PTPRT: variants seen among roughly 807,000 people sequenced by gnomAD.
PTPRT encodes receptor-type tyrosine-protein phosphatase T.
Under a neutral mutation model 176.8 loss-of-function variants are expected in PTPRT, and 56 were observed. That is an observed-to-expected ratio of 0.32 (90% CI 0.26 to 0.40). The LOEUF (loss-of-function observed/expected upper bound fraction) is 0.40, where lower values mean the gene tolerates loss of function less well. PTPRT is among the 10% of genes least tolerant of loss of function. The probability of loss-of-function intolerance (pLI) is 1.00; values close to 1 mark genes in which losing one functional copy is unlikely to be tolerated. For missense variants in PTPRT, 1,540 were observed against 1,908.2 expected (o/e 0.81, Z 3.60); for synonymous variants, 783 against 739.0 (o/e 1.06, Z -0.96).
chr20:42,971,162 T>C (rs1037552816), intron 1 of PTPRT: 1 of 152,222 alleles, frequency 6.6e-6, no homozygotes, highest in Non-Finnish European at 1.5e-5. Context: ...GATTTTAACC[T>C]TCAAAATTAT....
intron 1 of PTPRT, among the ~76,000 whole-genome samples, chr20:43,002,808 G>A (rs540474348): frequency 5.3e-5 from 8 of 151,922 alleles, no homozygotes; most frequent in African/African-American, 1.9e-4. Context: ...ATCAGCTCAA[G>A]ACCCTAGAAA....
At chr20:42,589,000 T>C (rs76184204) in intron 7 of PTPRT, among the ~76,000 whole-genome samples, 2,671 of 152,262 alleles carry the variant, frequency 0.018, 72 homozygotes, top group African/African-American at 0.051. Context: ...AACACCTGGA[T>C]CCAGAACCTA....
intron 1 of PTPRT, among the ~76,000 whole-genome samples, chr20:42,955,110 C>G (rs1247672650): frequency 6.6e-6 from 1 of 152,140 alleles, no homozygotes; most frequent in Non-Finnish European, 1.5e-5. Flanking sequence ...GCACAACACA[C>G]GTTGCCATAG....
intron 7 of PTPRT, among the ~76,000 whole-genome samples, chr20:42,664,942 A>T (rs1217084312): frequency 4.6e-5 from 7 of 152,260 alleles, no homozygotes. Context: ...TTACACAAAA[A>T]TTAATTCAAG....
intron 15 of PTPRT, among the ~76,000 whole-genome samples, chr20:42,229,889 T>C (rs1165015148): frequency 6.6e-6 from 1 of 152,210 alleles, no homozygotes; most frequent in Non-Finnish European, 1.5e-5. Flanking sequence ...AGTACCACCC[T>C]GTTGACTTTA....
intron 1 of PTPRT, among the ~76,000 whole-genome samples, chr20:42,886,651 G>A (rs1003756361): frequency 1.3e-5 from 2 of 152,170 alleles, no homozygotes; most frequent in Admixed American, 6.5e-5. Context: ...TAACTTTAAA[G>A]GTCAAGCCAT....
chr20:43,117,399 G>C lies in PTPRT; in HGVS notation c.88+72247C>G, dbSNP rs78489135. Among the ~76,000 whole-genome samples the C allele has an allele frequency of 3.5e-3, 536 of 152,206 alleles. 25 individuals carry two copies. The East Asian group carries it at 0.076, about 22-fold the overall frequency. ...ATCCCATTCCATAATCTGTTATCAG[G>C]AGTCAACTTCTAAAGCCTTCCTCCA... is the stretch of plus-strand genomic sequence containing the variant. On this transcript the variant is annotated intron_variant, in intron 1 of 30. Coordinates refer to ENST00000373187, the MANE Select transcript of PTPRT (RefSeq NM_007050.6).
chr20:42,107,652 A>T (rs772084720), intron 23 of PTPRT, among the ~76,000 whole-genome samples: 2 of 152,222 alleles, frequency 1.3e-5, no homozygotes, highest in Non-Finnish European at 2.9e-5. Flanking sequence ...CACGTAAGAC[A>T]TGTGCCTTAC....
intron 15 of PTPRT, among the ~76,000 whole-genome samples, chr20:42,219,350 T>A (rs576481767): frequency 7.9e-5 from 12 of 152,308 alleles, no homozygotes; most frequent in South Asian, 4.1e-4. Context: ...TGGAAACTAG[T>A]TCTGCTTATA....
intron 2 of PTPRT, among the ~76,000 whole-genome samples, chr20:42,797,911 C>A (rs527668952): frequency 6.6e-6 from 1 of 152,142 alleles, no homozygotes; most frequent in African/African-American, 2.4e-5. Context: ...ACAAACTCTA[C>A]CCTAGAGCCT....
At position 42,419,174 on chromosome 20, in the gene PTPRT, C is replaced by G. The variant is rs527959314; in HGVS notation, c.1560+29046G>C. On this transcript the variant is annotated intron_variant, in intron 9 of 30. Transcript: ENST00000373187. ...TGTGTGTCCCTCTGATGCATGAGGCCCCTGACTTTCAGTGTCAGTGTTCCA... is the reference window on the plus strand; with the variant it reads ...TGTGTGTCCCTCTGATGCATGAGGCGCCTGACTTTCAGTGTCAGTGTTCCA... Among the ~76,000 whole-genome samples the G allele has an allele frequency of 1.4e-3, 216 of 152,306 alleles. 1 individual carries two copies. Among genetic ancestry groups the G allele is most frequent in the African/African-American group, 4.9e-3 (202 of 41,562 alleles).
At chr20:42,741,153 C>A (rs533344190) in intron 6 of PTPRT, among the ~76,000 whole-genome samples, 4 of 152,230 alleles carry the variant, frequency 2.6e-5, no homozygotes, top group South Asian at 4.2e-4. Context: ...ATAGAAGAAA[C>A]CCCTAGGAAT....
intron 1 of PTPRT, among the ~76,000 whole-genome samples, chr20:42,977,221 A>G (rs1021016633): frequency 5.3e-5 from 8 of 152,216 alleles, no homozygotes; most frequent in African/African-American, 1.7e-4. Context: ...TTGGTACCAC[A>G]TTCTTTCCTA....
At chr20:42,068,650 T>A (rs190362906), downstream of PTPRT, among the ~76,000 whole-genome samples, 2 of 152,338 alleles carry the variant, frequency 1.3e-5, no homozygotes, top group African/African-American at 4.8e-5. Context: ...CTTCTTTGCA[T>A]CTTTTAGGCA....
Position 43,146,526 on chromosome 20 carries a change from C to T in PTPRT, c.88+43120G>A, listed in dbSNP as rs2014172883. On this transcript the variant is annotated intron_variant, in intron 1 of 30. Coordinates refer to ENST00000373187, the MANE Select transcript of PTPRT (RefSeq NM_007050.6). ...CCACTCTCCAAACACTAGTGGATGT[C>T]ACGACAAAATAAAGACTCTTCACTT... Among the ~76,000 whole-genome samples, 4 of 150,324 alleles carry T rather than the reference C, an allele frequency of 2.7e-5. No individual in the cohort carries two copies. In the East Asian group the frequency reaches 7.9e-4, roughly 30 times the overall value.
chr20:42,564,175 C>A (rs2073000844), intron 7 of PTPRT, among the ~76,000 whole-genome samples: 1 of 152,202 alleles, frequency 6.6e-6, no homozygotes, highest in Admixed American at 6.5e-5. Flanking sequence ...GTATACCCAG[C>A]AACCGCCTAG....
intron 9 of PTPRT, among the ~76,000 whole-genome samples, chr20:42,352,716 G>A (rs985704059): frequency 8.5e-5 from 13 of 152,174 alleles, no homozygotes; most frequent in Non-Finnish European, 1.8e-4. Context: ...AACTAAAAGG[G>A]TATAATTGGA....
chr20:42,993,799 C>A, intron 1 of PTPRT, among the ~76,000 whole-genome samples: 1 of 151,938 alleles, frequency 6.6e-6, no homozygotes, highest in African/African-American at 2.4e-5. Context: ...TTGCATCATG[C>A]CACCTTTCTG....
intron 9 of PTPRT, among the ~76,000 whole-genome samples, chr20:42,396,235 T>A (rs926599975): frequency 1.3e-5 from 2 of 152,280 alleles, no homozygotes; most frequent in East Asian, 1.9e-4. Flanking sequence ...TTTTGATTCC[T>A]CTCTTTCTTT....
Sources: gnomAD v4.1 joint callset for allele counts (sites outside exome capture counted in the v4.1 genomes callset) on GRCh38, gnomAD v4.1.1 for gene constraint, MANE v1.5 for transcripts, NCBI Gene and HGNC (gene_info 2026-07-23, HGNC 2026-07-21) for gene names.